ARID1A: variants seen among roughly 807,000 people sequenced by gnomAD.
ARID1A encodes the protein AT-rich interaction domain 1A.
A neutral mutation model predicts 212.6 loss-of-function variants in ARID1A; 20 were observed. That is an observed-to-expected ratio of 0.09 (90% CI 0.07 to 0.14). The LOEUF (loss-of-function observed/expected upper bound fraction) is 0.14. Ranked by LOEUF, ARID1A falls within the 10% of genes least tolerant of loss-of-function variation. The probability of loss-of-function intolerance (pLI) is 1.00; values close to 1 mark genes in which losing one functional copy is unlikely to be tolerated. For synonymous variants in ARID1A, 1,376 were observed against 1,222.1 expected, an observed-to-expected ratio of 1.13 and a Z score of -2.63; for missense variants, 2,587 against 3,059.0, an observed-to-expected ratio of 0.85 and a Z score of 3.64.
At chr1:26,745,923 T>A (rs1241789759) in intron 4 of ARID1A, among the ~76,000 whole-genome samples, 1 of 152,104 alleles carries the variant, frequency 6.6e-6, no homozygotes, top group Non-Finnish European at 1.5e-5. Flanking sequence ...TGGTGGCATG[T>A]GCTTGTAATC....
chr1:26,727,155 A>G (rs1557589674), intron 1 of ARID1A, among the ~76,000 whole-genome samples: 1 of 152,256 alleles, frequency 6.6e-6, no homozygotes, highest in African/African-American at 2.4e-5. Context: ...CACTGTGTGA[A>G]GTGTGTTATG....
chr1:26,743,099 G>T (rs979731527), intron 4 of ARID1A, among the ~76,000 whole-genome samples: 12 of 152,166 alleles, frequency 7.9e-5, no homozygotes, highest in African/African-American at 2.9e-4. Flanking sequence ...GTGTTTTGGG[G>T]ACCCTGGCTC....
At position 26,728,985 on chromosome 1, in the gene ARID1A, A is replaced by G. The variant is rs995334703; in HGVS notation, c.1138-666A>G. 5 of 151,856 alleles carry G rather than the reference A, an allele frequency of 3.3e-5. No individual in the cohort carries two copies. In the East Asian group the frequency reaches 5.8e-4, roughly 18 times the overall value. The allele number at this position is 151,856 out of a possible 1,614,324, so 9.4% of individuals were successfully genotyped here. On this transcript the variant is annotated intron_variant, in intron 1 of 19. Coordinates refer to ENST00000324856, the MANE Select transcript of ARID1A (RefSeq NM_006015.6). ...TCTTGCTCTTTTTTTTTTAACTTCCATGACAGCCTACCATTGAATCTTCTT... is the reference window on the plus strand; with the variant it reads ...TCTTGCTCTTTTTTTTTTAACTTCCGTGACAGCCTACCATTGAATCTTCTT...
Position 26,775,197 on chromosome 1 carries a change from G to C in ARID1A, c.4970G>C (p.Arg1657Thr), listed in dbSNP as rs2124124140. The change falls in exon 18 of 20, where the codon AGG becomes ACG. Residue 1657 changes from arginine (R) to threonine (T), a missense_variant. Coordinates refer to ENST00000324856, the MANE Select transcript of ARID1A (RefSeq NM_006015.6). Reference sequence around the variant, plus strand: ...ACACAGCCTGTGTTGAAGCAGAGGAGGCGGCTCACAATGAAAGACATTGGT... The same window carrying C: ...ACACAGCCTGTGTTGAAGCAGAGGACGCGGCTCACAATGAAAGACATTGGT... ...EATQPVLKQRRRLTMKDIGTP... is the reference protein window; with the variant it reads ...EATQPVLKQRTRLTMKDIGTP... 1 of 1,596,084 alleles carries C rather than the reference G, an allele frequency of 6.3e-7. No individual in the cohort carries two copies. Among genetic ancestry groups the C allele is most frequent in the South Asian group, 1.1e-5 (1 of 88,780 alleles).
At chr1:26,765,218 G>A (rs2081027988) in intron 8 of ARID1A, 1 of 152,028 alleles carries the variant, frequency 6.6e-6, no homozygotes, top group African/African-American at 2.4e-5. Context: ...CGGGCATGGT[G>A]GCTCACCCCT....
chr1:26,729,479 T>A, intron 1 of ARID1A, 172 bp from the exon 2 acceptor site: 1 of 697,984 alleles, frequency 1.4e-6, no homozygotes. Flanking sequence ...AAAATTAGGG[T>A]TCTGAGGCGG....
rs74433682 is a variant in ARID1A at position 26,766,148 on chromosome 1, A to G, written c.2733-73A>G. The G allele has an allele frequency of 2.5e-3, 3,856 of 1,525,708 alleles. 5 individuals are homozygous for G. Among genetic ancestry groups the G allele is most frequent in the Non-Finnish European group, 3.0e-3 (3,412 of 1,126,426 alleles). The allele number at this position is 1,525,708 out of a possible 1,614,324, so 94.5% of individuals were successfully genotyped here. On this transcript the variant is annotated intron_variant, in intron 8 of 19. Coordinates refer to ENST00000324856, the MANE Select transcript of ARID1A (RefSeq NM_006015.6). ...CCTTACTAGATGATCACACAGCACT[A>G]TTTGGCTCCAGTTCAAATCTAAAAG...
intron 4 of ARID1A, among the ~76,000 whole-genome samples, chr1:26,745,627 G>C (rs2080828883): frequency 1.3e-5 from 2 of 152,110 alleles, no homozygotes; most frequent in Non-Finnish European, 2.9e-5. Flanking sequence ...CTAAGGCCCA[G>C]AAAGGGCAAG....
At chr1:26,751,148 G>A (rs112324733) in intron 4 of ARID1A, among the ~76,000 whole-genome samples, 2 of 151,930 alleles carry the variant, frequency 1.3e-5, no homozygotes, top group Non-Finnish European at 2.9e-5. Context: ...CCAGCTACTC[G>A]GGAGGCTGAG....
At chr1:26,741,896 C>T (rs143180376) in intron 4 of ARID1A, among the ~76,000 whole-genome samples, 160 of 152,282 alleles carry the variant, frequency 1.1e-3, no homozygotes, top group African/African-American at 3.5e-3. Flanking sequence ...AGAGGAAATG[C>T]GAGGGAGCTA....
At chr1:26,748,150 C>T (rs1406537192) in intron 4 of ARID1A, among the ~76,000 whole-genome samples, 2 of 152,224 alleles carry the variant, frequency 1.3e-5, no homozygotes, top group Non-Finnish European at 2.9e-5. Flanking sequence ...GGCCATCCAG[C>T]CCCTAGTTCT....
In ARID1A at chr1:26,775,004, C is replaced by T. The variant is rs201556442; in HGVS notation, c.4777C>T (p.Arg1593Trp). 2.7e-5 allele frequency: 42 copies of T among 1,572,040 alleles called. No homozygotes were observed. The highest frequency in any genetic ancestry group is 3.4e-5 in the Non-Finnish European group (39 of 1,158,704). ...PQVSSPAPLP[R>W]PMENRTSPSK... ...GGTATCCAGCCCTGCTCCCCTGCCC[C>T]GGCCAATGGAGAACCGCACCTCTCC... is the stretch of plus-strand genomic sequence containing the variant. The change falls in exon 18 of 20, where the codon CGG (arginine) becomes TGG (tryptophan). Residue 1593 changes from arginine (R) to tryptophan (W), a missense_variant. Physicochemically the swap from Arg to Trp is moderately radical, Grantham distance 101. Coordinates refer to ENST00000324856, the MANE Select transcript of ARID1A (RefSeq NM_006015.6).
At chr1:26,737,172 G>A (rs2080742162) in intron 4 of ARID1A, among the ~76,000 whole-genome samples, 1 of 152,012 alleles carries the variant, frequency 6.6e-6, no homozygotes. Context: ...CTGGAGTGTA[G>A]TGGTTTATTC....
chr1:26,700,395 G>A (rs939908002), intron 1 of ARID1A, among the ~76,000 whole-genome samples: 1 of 152,216 alleles, frequency 6.6e-6, no homozygotes, highest in African/African-American at 2.4e-5. Context: ...TTAGGTAAGT[G>A]TGTGTATTGT....
At chr1:26,768,186 C>T (rs1044590575) in intron 11 of ARID1A, among the ~76,000 whole-genome samples, 187 bp downstream of exon 11, 2 of 152,094 alleles carry the variant, frequency 1.3e-5, no homozygotes, top group Non-Finnish European at 2.9e-5. Flanking sequence ...CAGAGACCTC[C>T]CTGGTAGTAT....
intron 4 of ARID1A, among the ~76,000 whole-genome samples, chr1:26,744,647 C>T (rs2080819912): frequency 6.6e-6 from 1 of 152,156 alleles, no homozygotes; most frequent in African/African-American, 2.4e-5. Flanking sequence ...AATGTATTTC[C>T]TACTACTCAA....
intron 19 of ARID1A, 159 bp downstream of exon 19, chr1:26,775,866 A>G: frequency 9.4e-7 from 1 of 1,067,714 alleles, no homozygotes; most frequent in Non-Finnish European, 1.4e-6. Flanking sequence ...GCACGGGCCC[A>G]GGATTTTGAC....
chr1:26,749,922 A>G (rs1206288611), intron 4 of ARID1A, among the ~76,000 whole-genome samples: 1 of 152,250 alleles, frequency 6.6e-6, no homozygotes. Flanking sequence ...AATAGAGATT[A>G]AGGGAAAGAA....
chr1:26,697,131 C>T lies in ARID1A; in HGVS notation c.728C>T (p.Ala243Val), dbSNP rs1356791422. ...AGAGGTGGCACTCCGGGCTCCGGCG[C>T]GGCGGCGGCTGCCGGCTCCAAGCCG... ...SPRGGTPGSGAAAAAGSKPPP... is the reference protein window; with the variant it reads ...SPRGGTPGSGVAAAAGSKPPP... Residue 243 changes from alanine to valine, a missense_variant, in exon 1 of 20, where the codon GCG (alanine) becomes GTG (valine). Coordinates refer to ENST00000324856, the MANE Select transcript of ARID1A (RefSeq NM_006015.6). 4.9e-6 allele frequency: 7 copies of T among 1,438,660 alleles called. No homozygotes were observed. The highest frequency in any genetic ancestry group is 4.5e-6 in the Non-Finnish European group (5 of 1,100,116). The allele number at this position is 1,438,660 out of a possible 1,614,324, so 89.1% of individuals were successfully genotyped here.
Sources: allele counts gnomAD v4.1 joint callset (sites outside exome capture counted in the v4.1 genomes callset), GRCh38; gene constraint gnomAD v4.1.1; transcripts MANE v1.5; gene names NCBI Gene and HGNC (gene_info 2026-07-23, HGNC 2026-07-21).